The following RAPGEF2 variants were observed in gnomAD, a reference collection of about 807,000 sequenced individuals.
RAPGEF2 encodes the protein Rap guanine nucleotide exchange factor 2.
A neutral mutation model predicts 186.7 loss-of-function variants in RAPGEF2; 54 were observed. The observed-to-expected ratio is 0.29, with a 90% CI of 0.23 to 0.36. RAPGEF2 has a LOEUF of 0.36. RAPGEF2 is among the 10% of genes least tolerant of loss of function. The pLI is 1.00. For synonymous variants in RAPGEF2, 712 were observed against 705.9 expected (o/e 1.01, Z -0.14); for missense variants, 1,532 against 2,045.0 (o/e 0.75, Z 4.84).
chr4:159,326,478 G>A (rs530593685), intron 11 of RAPGEF2, among the ~76,000 whole-genome samples: 17 of 152,260 alleles, frequency 1.1e-4, no homozygotes, highest in Admixed American at 4.6e-4. Flanking sequence ...AATGAATATT[G>A]GTTTCTGTAG....
intron 1 of RAPGEF2, among the ~76,000 whole-genome samples, chr4:159,177,571 C>G (rs12513331): frequency 1.3e-5 from 2 of 152,146 alleles, no homozygotes; most frequent in African/African-American, 4.8e-5. Context: ...AGCTTGTATT[C>G]CTTTTATTAC....
intron 4 of RAPGEF2, among the ~76,000 whole-genome samples, chr4:159,223,586 A>C (rs549562331): frequency 6.6e-6 from 1 of 152,292 alleles, no homozygotes; most frequent in African/African-American, 2.4e-5. Context: ...AGGCAGACTT[A>C]ATTCAGTTTT....
intron 5 of RAPGEF2, chr4:159,240,886 T>C (rs1753908708): frequency 3.8e-6 from 1 of 266,314 alleles, no homozygotes; most frequent in African/African-American, 2.2e-5. Flanking sequence ...TGGTAATGTA[T>C]CCTGTGAGAT....
Position 159,332,030 on chromosome 4 carries a change from A to G in RAPGEF2, c.1884A>G (p.Leu628=). The G allele has an allele frequency of 6.4e-7, 1 of 1,573,422 alleles. No homozygotes were observed. The highest frequency in any genetic ancestry group is 1.2e-5 in the South Asian group (1 of 85,300). ...THLSITVKTN[L]FVFKELLTRL... The stretch of plus-strand genomic sequence containing the variant: ...TATCTATCACTGTGAAAACCAATTT[A>G]TTTGGTAAGTATTTTGCATACTTTT... Residue 628 remains leucine (L), a synonymous_variant, in exon 16 of 30, where the codon TTA becomes TTG. Transcript: ENST00000691494.
chr4:159,235,292 G>A (rs535914858), intron 4 of RAPGEF2, among the ~76,000 whole-genome samples: 2 of 152,170 alleles, frequency 1.3e-5, no homozygotes, highest in South Asian at 4.1e-4. Flanking sequence ...AATTTTACTT[G>A]TTGTGTAAGC....
intron 28 of RAPGEF2, 90 bp downstream of exon 28, chr4:159,354,136 CT>C: frequency 7.6e-7 from 1 of 1,322,096 alleles, no homozygotes; most frequent in African/African-American, 1.5e-5. Context: ...TTTGTTGGTT[CT>C]TTTCCTCATT....
chr4:159,299,060 G>A (rs184917448), intron 7 of RAPGEF2, among the ~76,000 whole-genome samples: 6 of 152,178 alleles, frequency 3.9e-5, no homozygotes, highest in South Asian at 2.1e-4. Flanking sequence ...GATTAAAAAC[G>A]TGAACATAAA....
intron 1 of RAPGEF2, among the ~76,000 whole-genome samples, chr4:159,149,202 G>A (rs1281363904): frequency 2.0e-5 from 3 of 152,110 alleles, no homozygotes; most frequent in Admixed American, 6.5e-5. Flanking sequence ...AATAAAACTG[G>A]CACTTAAAAC....
chr4:159,178,807 C>G (rs1489831911), intron 1 of RAPGEF2, among the ~76,000 whole-genome samples: 3 of 152,054 alleles, frequency 2.0e-5, no homozygotes, highest in Non-Finnish European at 4.4e-5. Flanking sequence ...AATTCACCCG[C>G]CTCGGCTTCC....
rs776670373 is a variant in RAPGEF2, at chr4:159,338,372, A to G, written c.2197A>G (p.Ile733Val). The change falls in exon 18 of 30, where the codon ATC becomes GTC. Residue 733 changes from isoleucine to valine, a missense_variant. This residue lies in a region of RAPGEF2 where 810 missense variants were observed against 1,210.5 expected (regional missense o/e 0.67). Transcript: ENST00000691494. ...AGTAGGATTAAGGCAGACAAAGCAC[A>G]TCCCAACTGCATTGCCTGTCAGTGG... ...SIVGLRQTKH[I>V]PTALPVSGTL... is the part of the protein sequence containing the mutation. 1 of 1,614,152 alleles carries G rather than the reference A, an allele frequency of 6.2e-7. No homozygotes were observed. Among genetic ancestry groups the G allele is most frequent in the South Asian group, 1.1e-5 (1 of 91,086 alleles).
chr4:159,346,878 C>G lies in RAPGEF2; in HGVS notation c.3592C>G (p.Leu1198Val). The G allele has an allele frequency of 6.2e-7, 1 of 1,614,184 alleles. No homozygotes were observed. Among genetic ancestry groups the G allele is most frequent in the Non-Finnish European group, 8.5e-7 (1 of 1,180,028 alleles). Residue 1198 changes from leucine (L) to valine (V), a missense_variant, in exon 25 of 30, where the codon CTG becomes GTG. Physicochemically the swap from Leu to Val is conservative, Grantham distance 32 (BLOSUM62 1). Around this residue, in one of 4 missense-constraint regions of RAPGEF2, gnomAD observed 594 missense variants for 608.5 expected, o/e 0.98. Coordinates refer to ENST00000691494, the MANE Select transcript of RAPGEF2 (RefSeq NM_001394067.2). ...RAGSQQKAQSLPQPQQQPPPA... is the reference protein window; with the variant it reads ...RAGSQQKAQSVPQPQQQPPPA... Reference sequence around the variant, plus strand: ...AGGGTCACAACAGAAAGCTCAGTCCCTGCCACAGCCCCAGCAGCAGCCACC... The same window carrying G: ...AGGGTCACAACAGAAAGCTCAGTCCGTGCCACAGCCCCAGCAGCAGCCACC...
At chr4:159,137,067 T>A (rs1741796227) in intron 1 of RAPGEF2, among the ~76,000 whole-genome samples, 2 of 152,182 alleles carry the variant, frequency 1.3e-5, no homozygotes, top group South Asian at 4.1e-4. Context: ...AGTAACTGTA[T>A]TTTGGCTCTG....
intron 6 of RAPGEF2, 137 bp from the exon 7 acceptor site, chr4:159,243,637 A>C (rs994828405): frequency 1.9e-6 from 1 of 521,560 alleles, no homozygotes; most frequent in African/African-American, 2.0e-5. Flanking sequence ...AGCATTATAC[A>C]TATAGCTGAT....
chr4:159,269,908 A>C (rs779237882), intron 7 of RAPGEF2, among the ~76,000 whole-genome samples: 1 of 152,198 alleles, frequency 6.6e-6, no homozygotes, highest in African/African-American at 2.4e-5. Flanking sequence ...ACATTACTAC[A>C]TTTATGTAAA....
chr4:159,330,064 G>C, intron 12 of RAPGEF2, 54 bp downstream of exon 12: 1 of 1,544,048 alleles, frequency 6.5e-7, no homozygotes, highest in Non-Finnish European at 8.7e-7. Context: ...TGGTAGTATT[G>C]GTTGTGGCAG....
chr4:159,350,704 TG>T (rs1417698044), intron 26 of RAPGEF2, among the ~76,000 whole-genome samples: 3 of 152,242 alleles, frequency 2.0e-5, no homozygotes, highest in Non-Finnish European at 4.4e-5. Context: ...ATTACCTTTT[TG>T]GTTGCTACCT....
chr4:159,134,462 G>T (rs1224518231), intron 1 of RAPGEF2, among the ~76,000 whole-genome samples: 1 of 152,154 alleles, frequency 6.6e-6, no homozygotes, highest in Non-Finnish European at 1.5e-5. Context: ...TATTAATATG[G>T]ACACATGTTT....
intron 4 of RAPGEF2, among the ~76,000 whole-genome samples, chr4:159,219,347 CTTTTTTTTTTTTTTTTT>C (rs70962664): frequency 9.8e-5 from 8 of 81,446 alleles, no homozygotes; most frequent in East Asian, 3.0e-4. Context: ...CAACTGTATC[CTTTTTTTTTTTTTTTTT>C]TTTTTTTTTG....
At chr4:159,278,385 T>C (rs540123415) in intron 7 of RAPGEF2, among the ~76,000 whole-genome samples, 180 of 152,290 alleles carry the variant, frequency 1.2e-3, no homozygotes, top group African/African-American at 3.8e-3. Flanking sequence ...TACTCTACTC[T>C]TATAATTTAT....
Sources: allele counts gnomAD v4.1 joint callset (sites outside exome capture counted in the v4.1 genomes callset), GRCh38; gene constraint gnomAD v4.1.1; regional missense constraint gnomAD v4.1.1; transcripts MANE v1.5; gene names NCBI Gene and HGNC (gene_info 2026-07-23, HGNC 2026-07-21).